TDRD3: variants seen among roughly 807,000 people sequenced by gnomAD.
The protein encoded by TDRD3 is tudor domain containing 3.
In TDRD3, 45 loss-of-function variants were observed where a neutral mutation model predicts 86.7. That is an observed-to-expected ratio of 0.52 (90% CI 0.41 to 0.67). The LOEUF is 0.67. Among genes scored for constraint, TDRD3 ranks in the 30% least tolerant of loss-of-function variants. The pLI is 0.00. For synonymous variants in TDRD3, 298 were observed against 301.7 expected (o/e 0.99, Z 0.13); for missense variants, 814 against 889.0 (o/e 0.92, Z 1.07).
chr13:60,461,550 C>T (rs185497829), intron 4 of TDRD3, among the ~76,000 whole-genome samples: 5 of 152,242 alleles, frequency 3.3e-5, no homozygotes, highest in East Asian at 1.9e-4. Flanking sequence ...TATACACTCA[C>T]GTTTGCAGCT....
chr13:60,431,078 G>A (rs1954943186), intron 1 of TDRD3, among the ~76,000 whole-genome samples: 1 of 151,844 alleles, frequency 6.6e-6, no homozygotes, highest in Non-Finnish European at 1.5e-5. Flanking sequence ...CTAATGGTGA[G>A]GTATTTCTTG....
In TDRD3 at chr13:60,528,603, T is replaced by G; in HGVS notation, c.1378T>G (p.Ser460Ala). The change falls in exon 11 of 14, where the codon TCT becomes GCT. Residue 460 changes from serine to alanine, a missense_variant. By Grantham distance (99) the Ser-to-Ala change is moderately conservative (BLOSUM62 1). Transcript: ENST00000377881. ...GSERPSTSSV[S>A]EVWAEDRIKC... is the part of the protein sequence containing the mutation. ...TGAAAGACCAAGTACTTCTTCAGTA[T>G]CTGAAGTATGGGCTGAAGACAGAAT... 6.2e-7 allele frequency: 1 copy of G among 1,614,036 alleles called. No individual in the cohort carries two copies. The highest frequency in any genetic ancestry group is 8.5e-7 in the Non-Finnish European group (1 of 1,179,928).
intron 12 of TDRD3, among the ~76,000 whole-genome samples, chr13:60,541,692 G>GATGGATTTT (rs1240018859): frequency 8.5e-6 from 1 of 117,656 alleles, no homozygotes; most frequent in Non-Finnish European, 1.8e-5. Context: ...TTATATAATA[G>GATGGATTTT]ATGGATTTTT....
intron 11 of TDRD3, among the ~76,000 whole-genome samples, chr13:60,534,596 A>C (rs1427925673): frequency 6.6e-6 from 1 of 152,024 alleles, no homozygotes; most frequent in African/African-American, 2.4e-5. Flanking sequence ...TGTTTTTAAA[A>C]TAAATTACTC....
chr13:60,528,333 C>T (rs765865328), intron 10 of TDRD3, 34 bp from the exon 11 acceptor site: 1 of 1,540,638 alleles, frequency 6.5e-7, no homozygotes, highest in African/African-American at 1.4e-5. Context: ...GAGTCTTCAT[C>T]TTAATTTGCA....
At chr13:60,485,044 G>A (rs1956398954) in intron 6 of TDRD3, among the ~76,000 whole-genome samples, 1 of 152,062 alleles carries the variant, frequency 6.6e-6, no homozygotes, top group South Asian at 2.1e-4. Context: ...TTGCAGCCTT[G>A]TACATGGGCT....
At chr13:60,411,783 T>C (rs988189734) in intron 1 of TDRD3, among the ~76,000 whole-genome samples, 1 of 152,134 alleles carries the variant, frequency 6.6e-6, no homozygotes, top group Non-Finnish European at 1.5e-5. Context: ...AAGTGTAGAA[T>C]CTCAAACCTC....
upstream of TDRD3, chr13:60,397,184 C>G (rs994356923): frequency 1.9e-5 from 8 of 411,452 alleles, no homozygotes; most frequent in African/African-American, 4.1e-5. Flanking sequence ...TCAGAAAACG[C>G]GGCGAGCGGA....
intron 8 of TDRD3, among the ~76,000 whole-genome samples, chr13:60,507,960 G>A (rs1399570990): frequency 6.6e-6 from 1 of 152,116 alleles, no homozygotes; most frequent in South Asian, 2.1e-4. Flanking sequence ...AAAATCACAA[G>A]CATTCCTATA....
chr13:60,462,335 G>T (rs1016860404), intron 4 of TDRD3, among the ~76,000 whole-genome samples: 1 of 152,116 alleles, frequency 6.6e-6, no homozygotes, highest in Non-Finnish European at 1.5e-5. Context: ...TGCCCAATCT[G>T]CCCAGTGCTG....
In TDRD3 at chr13:60,475,274, T is replaced by C. The variant is rs569047403; in HGVS notation, c.495+7895T>C. ...TCCCTTAAGCAGTCCCCAGTGTCTC[T>C]TGTTCCCATCTCTGTGTCCATGTGT... On this transcript the variant is annotated intron_variant, in intron 5 of 13. Transcript: ENST00000377881. Among the ~76,000 whole-genome samples the C allele has an allele frequency of 4.6e-5, 7 of 152,268 alleles. No individual in the cohort carries two copies. In the South Asian group the frequency reaches 1.5e-3, roughly 32 times the overall value.
At chr13:60,476,110 T>G (rs968022305) in intron 5 of TDRD3, among the ~76,000 whole-genome samples, 4 of 152,186 alleles carry the variant, frequency 2.6e-5, no homozygotes. Flanking sequence ...GTAAATTCTT[T>G]GCCAAGGCTA....
intron 5 of TDRD3, among the ~76,000 whole-genome samples, chr13:60,476,414 A>G (rs897014208): frequency 6.6e-6 from 1 of 151,850 alleles, no homozygotes; most frequent in African/African-American, 2.4e-5. Flanking sequence ...CTGTTTTTGT[A>G]CCCAGTACTC....
chr13:60,461,021 TAAA>T (rs1454358616), intron 4 of TDRD3: 1 of 151,576 alleles, frequency 6.6e-6, no homozygotes, highest in East Asian at 1.9e-4. Flanking sequence ...ATATATAAAA[TAAA>T]AATAAATTAA....
chr13:60,558,120 C>G (rs1487567860), intron 12 of TDRD3, among the ~76,000 whole-genome samples: 1 of 152,162 alleles, frequency 6.6e-6, no homozygotes, highest in Non-Finnish European at 1.5e-5. Flanking sequence ...TGCACCCGAC[C>G]CTTTTATTCT....
At chr13:60,506,160 C>T (rs188157286) in intron 8 of TDRD3, among the ~76,000 whole-genome samples, 1 of 152,244 alleles carries the variant, frequency 6.6e-6, no homozygotes, top group East Asian at 1.9e-4. Context: ...CAAAGGGAAA[C>T]CCATCAGACT....
chr13:60,407,659 C>G (rs1169730219), intron 1 of TDRD3, among the ~76,000 whole-genome samples: 1 of 152,150 alleles, frequency 6.6e-6, no homozygotes, highest in Non-Finnish European at 1.5e-5. Context: ...AGACAACCAG[C>G]TGTCTCTTTA....
intron 7 of TDRD3, among the ~76,000 whole-genome samples, chr13:60,489,824 A>G (rs1555281457): frequency 6.6e-6 from 1 of 152,168 alleles, no homozygotes; most frequent in Non-Finnish European, 1.5e-5. Context: ...ACATAAAATT[A>G]TGGAGTTTCA....
At chr13:60,540,761 AT>A (rs1957791818) in intron 12 of TDRD3, among the ~76,000 whole-genome samples, 1 of 152,178 alleles carries the variant, frequency 6.6e-6, no homozygotes, top group African/African-American at 2.4e-5. Context: ...ATTATAATCT[AT>A]TTAAACTATA....
Sources: gnomAD v4.1 joint callset for allele counts (sites outside exome capture counted in the v4.1 genomes callset) on GRCh38, gnomAD v4.1.1 for gene constraint, MANE v1.5 for transcripts, NCBI Gene and HGNC (gene_info 2026-07-23, HGNC 2026-07-21) for gene names.